TNKS: variants seen among roughly 807,000 people sequenced by gnomAD.
The protein encoded by TNKS is tankyrase.
TNKS carries 72 observed loss-of-function variants against 135.8 expected under a neutral mutation model. The ratio of observed to expected loss-of-function variants is 0.53; its 90% CI spans 0.44 to 0.64. The LOEUF is 0.64. TNKS is among the 30% of genes least tolerant of loss of function. TNKS has a pLI of 0.00. For synonymous variants in TNKS, 849 were observed against 649.3 expected (o/e 1.31, Z -4.68); for missense variants, 1,769 against 1,674.0 (o/e 1.06, Z -0.99).
At chr8:9,636,490 A>G (rs1028555199) in intron 3 of TNKS, among the ~76,000 whole-genome samples, 10 of 151,438 alleles carry the variant, frequency 6.6e-5, no homozygotes, top group East Asian at 1.9e-4. Context: ...GGTCTTTTCT[A>G]TTGATTATTG....
At chr8:9,673,792 G>C (rs4570159) in intron 3 of TNKS, among the ~76,000 whole-genome samples, 7 of 151,812 alleles carry the variant, frequency 4.6e-5, no homozygotes, top group Non-Finnish European at 8.8e-5. Context: ...GTTCATTTCC[G>C]TTTTCCTAAA....
chr8:9,619,856 T>G (rs1163427890), intron 3 of TNKS, among the ~76,000 whole-genome samples: 2 of 150,654 alleles, frequency 1.3e-5, no homozygotes, highest in Non-Finnish European at 3.0e-5. Context: ...ATCTTTAGCA[T>G]AACCAGTGAG....
intron 3 of TNKS, among the ~76,000 whole-genome samples, chr8:9,622,205 T>C (rs754338060): frequency 2.0e-4 from 30 of 152,224 alleles, no homozygotes; most frequent in Non-Finnish European, 3.5e-4. Flanking sequence ...TTAATTTCAA[T>C]TTTCAAGTGT....
At chr8:9,705,634 T>C (rs797001599) in intron 6 of TNKS, among the ~76,000 whole-genome samples, 112 of 152,352 alleles carry the variant, frequency 7.4e-4, no homozygotes, top group African/African-American at 2.4e-3. Flanking sequence ...GGTGTCCCAG[T>C]AGTATAGGGG....
chr8:9,775,177 A>G (rs935779006), intron 26 of TNKS, among the ~76,000 whole-genome samples: 1 of 152,150 alleles, frequency 6.6e-6, no homozygotes, highest in African/African-American at 2.4e-5. Context: ...ACCCAACTCT[A>G]GAATTAGCAG....
intron 26 of TNKS, chr8:9,772,345 G>C (rs1463806931): frequency 2.2e-6 from 1 of 453,668 alleles, no homozygotes; most frequent in Non-Finnish European, 4.4e-6. Context: ...ATGAGGGACA[G>C]ATAGGCTTAT....
At chr8:9,766,163 G>A (rs747355918) in intron 24 of TNKS, 76 bp from the exon 25 acceptor site, 26 of 1,236,720 alleles carry the variant, frequency 2.1e-5, no homozygotes, top group Non-Finnish European at 2.7e-5. Context: ...TAACCTGCCC[G>A]ATGCAAATAG....
intron 5 of TNKS, among the ~76,000 whole-genome samples, chr8:9,682,151 A>G (rs1802808694): frequency 6.6e-6 from 1 of 152,164 alleles, no homozygotes; most frequent in Non-Finnish European, 1.5e-5. Context: ...CCAAGTAGAT[A>G]AAGTGATTTC....
At chr8:9,593,289 C>T (rs1402274500) in intron 2 of TNKS, among the ~76,000 whole-genome samples, 1 of 152,174 alleles carries the variant, frequency 6.6e-6, no homozygotes, top group South Asian at 2.1e-4. Flanking sequence ...GATTACCTAC[C>T]AGTTTACCAG....
intron 26 of TNKS, among the ~76,000 whole-genome samples, chr8:9,775,168 C>A (rs1367162021): frequency 1.3e-5 from 2 of 151,886 alleles, no homozygotes; most frequent in Non-Finnish European, 1.5e-5. Flanking sequence ...TTTTTTTATA[C>A]CCAACTCTAG....
In TNKS at chr8:9,655,631, A is replaced by G. The variant is rs192146408; in HGVS notation, c.995-24320A>G. Among the ~76,000 whole-genome samples the G allele has an allele frequency of 4.8e-3, 724 of 152,320 alleles. 3 individuals carry two copies. The highest frequency in any genetic ancestry group is 6.0e-3 in the Non-Finnish European group (406 of 68,034). On this transcript the variant is annotated intron_variant, in intron 3 of 26. Coordinates refer to ENST00000310430, the MANE Select transcript of TNKS (RefSeq NM_003747.3). The stretch of plus-strand genomic sequence containing the variant: ...ACTGCTGCCTGATACCCAGACAAAC[A>G]GGGTCTGGAGTGGACCTCCAGCAAA...
intron 3 of TNKS, among the ~76,000 whole-genome samples, chr8:9,651,268 A>G (rs916390258): frequency 1.3e-5 from 2 of 152,172 alleles, no homozygotes; most frequent in African/African-American, 4.8e-5. Flanking sequence ...TGTAATATAT[A>G]TAAAAATAGC....
In TNKS at chr8:9,606,513, T is replaced by A. The variant is rs1043840122; in HGVS notation, c.899-9069T>A. ...AATTAGGTAGTGTGAGTCCTTCAACTTTTTAGTTCCACAGTTTCCCACTTG... is the reference window on the plus strand; with the variant it reads ...AATTAGGTAGTGTGAGTCCTTCAACATTTTAGTTCCACAGTTTCCCACTTG... On this transcript the variant is annotated intron_variant, in intron 2 of 26. Coordinates refer to ENST00000310430, the MANE Select transcript of TNKS (RefSeq NM_003747.3). Among the ~76,000 whole-genome samples the A allele has an allele frequency of 2.4e-4, 36 of 152,134 alleles. 1 individual carries two copies. The highest frequency in any genetic ancestry group is 8.4e-4 in the African/African-American group (35 of 41,448).
At chr8:9,749,076 C>G (rs1806386062) in intron 18 of TNKS, among the ~76,000 whole-genome samples, 1 of 152,158 alleles carries the variant, frequency 6.6e-6, no homozygotes, top group Non-Finnish European at 1.5e-5. Context: ...AAGGCTAAGC[C>G]TGGAACTGAC....
At position 9,589,630 on chromosome 8, in the gene TNKS, C is replaced by T. The variant is rs76672559; in HGVS notation, c.898+9247C>T. On this transcript the variant is annotated intron_variant, in intron 2 of 26. Transcript: ENST00000310430. ...AATCAGTTAGCTTTAGTCTCAGAGA[C>T]GTTTCCTAGTGTGGACTTGGCCCCT... Among the ~76,000 whole-genome samples, 629 of 152,336 alleles carry T rather than the reference C, an allele frequency of 4.1e-3. 3 individuals are homozygous for T. The highest frequency in any genetic ancestry group is 5.9e-3 in the Non-Finnish European group (404 of 68,024).
chr8:9,641,065 A>G (rs777764507), intron 3 of TNKS, among the ~76,000 whole-genome samples: 4 of 145,836 alleles, frequency 2.7e-5, no homozygotes, highest in Non-Finnish European at 6.0e-5. Flanking sequence ...AAGATGCCCC[A>G]CTGTTCTCCA....
intron 2 of TNKS, among the ~76,000 whole-genome samples, chr8:9,613,556 A>G (rs773095072): frequency 6.6e-6 from 1 of 152,214 alleles, no homozygotes; most frequent in Non-Finnish European, 1.5e-5. Context: ...TGTTATCAGC[A>G]TCTGGTTTAG....
At chr8:9,697,714 G>T (rs576211347) in intron 5 of TNKS, among the ~76,000 whole-genome samples, 3 of 152,012 alleles carry the variant, frequency 2.0e-5, no homozygotes, top group Admixed American at 2.0e-4. Context: ...TCAGAGAAAC[G>T]CAAATCACAA....
intron 5 of TNKS, among the ~76,000 whole-genome samples, chr8:9,690,428 A>G (rs999274771): frequency 2.6e-5 from 4 of 152,118 alleles, no homozygotes; most frequent in African/African-American, 9.7e-5. Context: ...TAATACATAC[A>G]TTTAAAATAA....
Sources: allele counts gnomAD v4.1 joint callset (sites outside exome capture counted in the v4.1 genomes callset), GRCh38; gene constraint gnomAD v4.1.1; transcripts MANE v1.5; gene names NCBI Gene and HGNC (gene_info 2026-07-23, HGNC 2026-07-21).